Variants in GNL3L observed in about 807,000 individuals in gnomAD.
The protein encoded by GNL3L is guanine nucleotide-binding protein-like 3-like protein.
A neutral mutation model predicts 42.9 loss-of-function variants in GNL3L; 4 were observed. The ratio of observed to expected loss-of-function variants is 0.09; its 90% CI spans 0.05 to 0.21. The LOEUF is 0.21. GNL3L is among the 10% of genes least tolerant of loss of function. The probability of loss-of-function intolerance (pLI) is 1.00; values close to 1 mark genes in which losing one functional copy is unlikely to be tolerated. For synonymous variants in GNL3L, 159 were observed against 176.3 expected (o/e 0.90, Z 0.78); for missense variants, 412 against 481.7 (o/e 0.86, Z 1.36).
In GNL3L at chrX:54,564,068, C is replaced by T. The variant is rs971952847; in HGVS notation, c.*3466C>T. Among the ~76,000 whole-genome samples, 40 of 110,038 alleles carry T rather than the reference C, an allele frequency of 3.6e-4. No homozygotes were observed. Among genetic ancestry groups the T allele is most frequent in the Admixed American group, 2.2e-3 (22 of 10,192 alleles). ...CCCTTTTGTAGTCAACTCCTACCCC[C>T]GACCCTCAGATTCTGCTAACCACTG... On this transcript the variant is annotated 3_prime_UTR_variant, in exon 16 of 16. Coordinates refer to ENST00000360845, the MANE Select transcript of GNL3L (RefSeq NM_001184819.2).
intron 16 of GNL3L, among the ~76,000 whole-genome samples, chrX:54,576,959 A>G (rs758904922): frequency 5.4e-5 from 6 of 111,614 alleles, no homozygotes; most frequent in Non-Finnish European, 3.8e-5. Flanking sequence ...CTGTGACATT[A>G]AGTTCATTCA....
chrX:54,569,003 G>T (rs1339506640), downstream of GNL3L, among the ~76,000 whole-genome samples: 3 of 112,337 alleles, frequency 2.7e-5, no homozygotes, highest in Non-Finnish European at 5.6e-5. Context: ...ATCTCAATAT[G>T]TTTAAGTTAA....
chrX:54,638,514 G>A, the GNL3L span, among the ~76,000 whole-genome samples: 2 of 111,355 alleles, frequency 1.8e-5, no homozygotes, highest in Non-Finnish European at 3.8e-5. Flanking sequence ...CTGTTGCCCA[G>A]GCTGGAGTGC....
At chrX:54,536,768 G>A (rs1379838422) in intron 2 of GNL3L, among the ~76,000 whole-genome samples, 1 of 84,772 alleles carries the variant, frequency 1.2e-5, no homozygotes, top group Non-Finnish European at 2.2e-5. Flanking sequence ...CTGGGCAACA[G>A]AGCGAGACTT....
the GNL3L span, among the ~76,000 whole-genome samples, chrX:54,641,040 G>A: frequency 5.4e-5 from 6 of 111,486 alleles, no homozygotes; most frequent in African/African-American, 2.0e-4. Context: ...GGGAGCAGAT[G>A]AGATCAGTTT....
At chrX:54,595,572 T>C (rs1463536008) in intron 16 of GNL3L, among the ~76,000 whole-genome samples, 1 of 111,921 alleles carries the variant, frequency 8.9e-6, no homozygotes, top group Non-Finnish European at 1.9e-5. Context: ...GGTATTGATA[T>C]ATTTCTCTAG....
chrX:54,551,854 C>T lies in GNL3L; in HGVS notation c.1061C>T (p.Ser354Phe), dbSNP rs1924951314. 8.3e-7 allele frequency: 1 copy of T among 1,211,875 alleles called. No homozygotes were observed. Among genetic ancestry groups the T allele is most frequent in the Non-Finnish European group, 1.1e-6 (1 of 895,221 alleles). The change falls in exon 12 of 16, where the codon TCT becomes TTT. Residue 354 changes from serine to phenylalanine, a missense_variant. Physicochemically the swap from Ser to Phe is radical, Grantham distance 155. Coordinates refer to ENST00000360845, the MANE Select transcript of GNL3L (RefSeq NM_001184819.2). ...CAGATTTCCAACTATTATGGCGTCT[C>T]TGGGTTCCAGACCACTGAGCACTTT... is the stretch of plus-strand genomic sequence containing the variant. Reference protein sequence around the residue: ...LEEISNYYGVSGFQTTEHFLT... With the variant: ...LEEISNYYGVFGFQTTEHFLT...
At chrX:54,603,032 G>A (rs778513483) in intron 16 of GNL3L, among the ~76,000 whole-genome samples, 2 of 111,671 alleles carry the variant, frequency 1.8e-5, no homozygotes, top group South Asian at 3.7e-4. Context: ...TAATTTTGTG[G>A]TAATTAATTT....
intron 3 of GNL3L, among the ~76,000 whole-genome samples, 187 bp downstream of exon 3, chrX:54,539,288 G>A (rs1034105646): frequency 9.0e-6 from 1 of 111,429 alleles, no homozygotes; most frequent in Admixed American, 9.7e-5. Context: ...CAAGTCATAT[G>A]CAGCTTCGTG....
intron 16 of GNL3L, among the ~76,000 whole-genome samples, chrX:54,593,415 T>C (rs1925893358): frequency 8.9e-6 from 1 of 111,772 alleles, no homozygotes; most frequent in African/African-American, 3.2e-5. Context: ...CACATATAGT[T>C]GTACACAGTG....
the GNL3L span, among the ~76,000 whole-genome samples, chrX:54,637,618 C>G: frequency 1.8e-5 from 2 of 112,314 alleles, no homozygotes; most frequent in South Asian, 7.3e-4. Flanking sequence ...AAAAAGGACA[C>G]TGTAGTGTAT....
In GNL3L at chrX:54,564,734, T is replaced by A. The variant is rs1601994557; in HGVS notation, c.*4132T>A. 1.0e-5 allele frequency among the ~76,000 whole-genome samples: 1 copy of A among 96,804 alleles called. No individual in the cohort carries two copies. Among genetic ancestry groups the A allele is most frequent in the Non-Finnish European group, 2.1e-5 (1 of 48,404 alleles). The allele number at this position is 96,804 out of a possible 115,157, so 84.1% of individuals were successfully genotyped here. ...TTCTTTGTTCTTATATTTTTGTCTTTTTTTTTTTTTTTTTTTTGAAACAGA... is the reference window on the plus strand; with the variant it reads ...TTCTTTGTTCTTATATTTTTGTCTTATTTTTTTTTTTTTTTTTGAAACAGA... On this transcript the variant is annotated 3_prime_UTR_variant, in exon 16 of 16. Transcript: ENST00000360845.
chrX:54,621,803 C>G (rs1158154080), downstream of GNL3L, among the ~76,000 whole-genome samples: 1 of 110,775 alleles, frequency 9.0e-6, no homozygotes, highest in African/African-American at 3.3e-5. Context: ...GAGGCCCTCT[C>G]TCAATAAAAA....
intron 16 of GNL3L, among the ~76,000 whole-genome samples, chrX:54,618,906 C>A (rs1024790878): frequency 1.6e-4 from 18 of 110,962 alleles, no homozygotes; most frequent in African/African-American, 5.9e-4. Flanking sequence ...TTAAAAAAAA[C>A]CCACAAATGG....
In GNL3L at chrX:54,531,549, C is replaced by G. The variant is rs145555225; in HGVS notation, c.-47-971C>G. 6.4e-3 allele frequency among the ~76,000 whole-genome samples: 713 copies of G among 111,062 alleles called. 4 individuals are homozygous for G. Among genetic ancestry groups the G allele is most frequent in the African/African-American group, 0.022 (677 of 30,534 alleles). On this transcript the variant is annotated intron_variant, in intron 1 of 15. Coordinates refer to ENST00000360845, the MANE Select transcript of GNL3L (RefSeq NM_001184819.2). ...CCACCCATGCAGAGAACCAGAGCCC[C>G]TATTTCTTTCAGTGTTAGTGTGCCG...
Position 54,588,950 on chromosome X carries a change from A to G in GNL3L, c.*45+28303A>G, listed in dbSNP as rs746925528. On this transcript the variant is annotated intron_variant, in intron 16 of 16. Transcript: ENST00000674498. ...CTCTTTGACCCATGTATCATTTTCA[A>G]AATGGGTTGTTTAGTTTCCAAGTGT... is the stretch of plus-strand genomic sequence containing the variant. 7.2e-5 allele frequency among the ~76,000 whole-genome samples: 8 copies of G among 111,882 alleles called. No individual in the cohort carries two copies. The South Asian group carries it at 1.5e-3, about 21-fold the overall frequency.
chrX:54,543,795 GAATTA>G (rs1414927810), intron 7 of GNL3L, among the ~76,000 whole-genome samples: 2 of 112,040 alleles, frequency 1.8e-5, no homozygotes, highest in African/African-American at 6.5e-5. Context: ...TTTGTTGTAA[GAATTA>G]ATGATAAAAT....
chrX:54,573,962 C>G (rs1025635427), intron 16 of GNL3L, among the ~76,000 whole-genome samples: 1 of 108,349 alleles, frequency 9.2e-6, no homozygotes, highest in African/African-American at 3.4e-5. Context: ...AACTTTTGAG[C>G]TTTGTTCTTT....
Position 54,543,212 on chromosome X carries a change from G to A in GNL3L, c.396G>A (p.Val132=), listed in dbSNP as rs1924678778. ...CCTGGTCCTCTGCCCTGCAGGTGGT[G>A]GAATACTCTGATGTGATTCTGGAAG... ...KAYYKEFRKV[V]EYSDVILEVL... Residue 132 remains valine (V), a synonymous_variant, in exon 7 of 16, where the codon GTG becomes GTA. Transcript: ENST00000360845. 8.3e-7 allele frequency: 1 copy of A among 1,208,100 alleles called. No homozygotes were observed. The highest frequency in any genetic ancestry group is 2.2e-5 in the Admixed American group (1 of 45,496).
Sources: gnomAD v4.1 joint callset for allele counts (sites outside exome capture counted in the v4.1 genomes callset) on GRCh38, gnomAD v4.1.1 for gene constraint, MANE v1.5 for transcripts, NCBI Gene and HGNC (gene_info 2026-07-23, HGNC 2026-07-21) for gene names.